GAB2: variants seen among roughly 807,000 people sequenced by gnomAD.
The protein encoded by GAB2 is GRB2 associated binding protein 2.
A neutral mutation model predicts 65.5 loss-of-function variants in GAB2; 26 were observed. The observed-to-expected ratio is 0.40, with a 90% confidence interval of 0.29 to 0.55. The LOEUF is 0.55. Among genes scored for constraint, GAB2 ranks in the 20% least tolerant of loss-of-function variants. The probability of loss-of-function intolerance (pLI) is 0.53; values close to 1 mark genes in which losing one functional copy is unlikely to be tolerated. For synonymous variants in GAB2, 321 were observed against 329.6 expected (o/e 0.97, Z 0.28); for missense variants, 884 against 875.8 (o/e 1.01, Z -0.12).
intron 1 of GAB2, among the ~76,000 whole-genome samples, chr11:78,321,858 T>C (rs866192668): frequency 1.4e-5 from 2 of 146,872 alleles, no homozygotes; most frequent in African/African-American, 5.1e-5. Context: ...AACAAACTGA[T>C]ATTTGACAAA....
chr11:78,373,364 G>A (rs1856596006), intron 1 of GAB2, among the ~76,000 whole-genome samples: 1 of 151,686 alleles, frequency 6.6e-6, no homozygotes, highest in East Asian at 1.9e-4. Context: ...TCAGCCTCTG[G>A]AGTAGCTGGG....
intron 2 of GAB2, among the ~76,000 whole-genome samples, chr11:78,267,115 G>A (rs896812542): frequency 6.6e-6 from 1 of 152,326 alleles, no homozygotes; most frequent in Admixed American, 6.5e-5. Flanking sequence ...AAGCAGGACA[G>A]GGTCCACTCC....
chr11:78,221,610 G>T, intron 8 of GAB2, 67 bp downstream of exon 8: 1 of 888,452 alleles, frequency 1.1e-6, no homozygotes, highest in Non-Finnish European at 1.8e-6. Context: ...GCTGGGAAGT[G>T]GGGAACTGAG....
At chr11:78,372,494 TTATC>T (rs942983498) in intron 1 of GAB2, among the ~76,000 whole-genome samples, 50 of 152,186 alleles carry the variant, frequency 3.3e-4, no homozygotes, top group African/African-American at 1.1e-3. Flanking sequence ...CTAAAAAAAC[TTATC>T]TTTCAGGAAA....
intron 1 of GAB2, among the ~76,000 whole-genome samples, chr11:78,331,286 G>A (rs1190261058): frequency 7.2e-6 from 1 of 137,982 alleles, no homozygotes; most frequent in African/African-American, 2.8e-5. Context: ...TCGCTCTGTT[G>A]CCAGGCTGGA....
At chr11:78,355,575 G>A (rs1437283240) in intron 1 of GAB2, among the ~76,000 whole-genome samples, 2 of 150,916 alleles carry the variant, frequency 1.3e-5, no homozygotes, top group East Asian at 3.9e-4. Flanking sequence ...GCTTTAAGAG[G>A]CTGAGACAGT....
At chr11:78,334,028 A>G (rs1855958869) in intron 1 of GAB2, among the ~76,000 whole-genome samples, 1 of 152,210 alleles carries the variant, frequency 6.6e-6, no homozygotes, top group Non-Finnish European at 1.5e-5. Context: ...AGTAAAGGTG[A>G]TAAGTTCATC....
At chr11:78,339,877 G>T (rs1268247898) in intron 1 of GAB2, among the ~76,000 whole-genome samples, 1 of 152,160 alleles carries the variant, frequency 6.6e-6, no homozygotes, top group Non-Finnish European at 1.5e-5. Context: ...TCAACTCTAA[G>T]GCCCCTTCCA....
intron 1 of GAB2, among the ~76,000 whole-genome samples, chr11:78,406,098 G>T (rs73502973): frequency 0.088 from 13,453 of 152,182 alleles, 1,898 homozygotes; most frequent in African/African-American, 0.3. Flanking sequence ...GCTATGATAT[G>T]CATACCCAAA....
intron 1 of GAB2, among the ~76,000 whole-genome samples, chr11:78,341,251 G>A (rs931732956): frequency 1.3e-5 from 2 of 152,074 alleles, no homozygotes; most frequent in African/African-American, 4.8e-5. Context: ...CCTATTATGT[G>A]TCATTTCTTC....
At chr11:78,375,648 G>A (rs1856623211) in intron 1 of GAB2, among the ~76,000 whole-genome samples, 1 of 152,032 alleles carries the variant, frequency 6.6e-6, no homozygotes, top group Non-Finnish European at 1.5e-5. Context: ...TCTAGAATCA[G>A]GTAGTAATCT....
chr11:78,219,559 T>C (rs944988084), intron 9 of GAB2, 144 bp from the exon 10 acceptor site: 1 of 718,802 alleles, frequency 1.4e-6, no homozygotes, highest in African/African-American at 1.8e-5. Context: ...CTCAGGAGCC[T>C]GGCTTCTCTT....
chr11:78,399,634 G>A (rs773596645), intron 1 of GAB2, among the ~76,000 whole-genome samples: 1 of 152,162 alleles, frequency 6.6e-6, no homozygotes, highest in Non-Finnish European at 1.5e-5. Context: ...GAGAATTTCA[G>A]TTATGTTCTG....
At chr11:78,389,607 G>A (rs534692332) in intron 1 of GAB2, among the ~76,000 whole-genome samples, 69 of 152,274 alleles carry the variant, frequency 4.5e-4, no homozygotes, top group Non-Finnish European at 8.5e-4. Context: ...GCGCCCGGCC[G>A]TGGTTTTCTT....
At position 78,305,525 on chromosome 11, in the gene GAB2, T is replaced by C. The variant is rs1318114883; in HGVS notation, c.76-24624A>G. On this transcript the variant is annotated intron_variant, in intron 1 of 9. Coordinates refer to ENST00000361507, the MANE Select transcript of GAB2 (RefSeq NM_080491.3). ...GCAGCCAGCCTTCTTTGTAACTTTA[T>C]AATCTGGTGTGGCCACTTAGCAGGT... Among the ~76,000 whole-genome samples, 3 of 152,284 alleles carry C rather than the reference T, an allele frequency of 2.0e-5. No homozygotes were observed. In the South Asian group the frequency reaches 6.2e-4, roughly 32 times the overall value.
intron 1 of GAB2, among the ~76,000 whole-genome samples, chr11:78,303,760 T>C (rs1464186777): frequency 6.6e-6 from 1 of 152,142 alleles, no homozygotes; most frequent in East Asian, 1.9e-4. Context: ...TTAGGGATTA[T>C]GTTTCCTTTA....
intron 1 of GAB2, among the ~76,000 whole-genome samples, chr11:78,295,503 A>C (rs780920300): frequency 6.6e-6 from 1 of 152,190 alleles, no homozygotes; most frequent in Admixed American, 6.5e-5. Context: ...CCAATCATTC[A>C]ATCAACATTT....
intron 8 of GAB2, among the ~76,000 whole-genome samples, chr11:78,220,857 G>T (rs1158940774): frequency 6.6e-6 from 1 of 152,202 alleles, no homozygotes; most frequent in African/African-American, 2.4e-5. Flanking sequence ...TGGCGCTTAA[G>T]AAAGGAGCAC....
intron 1 of GAB2, among the ~76,000 whole-genome samples, chr11:78,282,445 A>AT (rs928676043): frequency 2.0e-5 from 3 of 151,794 alleles, no homozygotes; most frequent in Non-Finnish European, 4.4e-5. Context: ...AGTAGCTGGG[A>AT]TTACAGATGC....
Sources: allele counts gnomAD v4.1 joint callset (sites outside exome capture counted in the v4.1 genomes callset), GRCh38; gene constraint gnomAD v4.1.1; transcripts MANE v1.5; gene names NCBI Gene and HGNC (gene_info 2026-07-23, HGNC 2026-07-21).